NDRG1: variants seen among roughly 807,000 people sequenced by gnomAD.
NDRG1 encodes the protein N-myc downstream regulated 1.
A neutral mutation model predicts 56.9 loss-of-function variants in NDRG1; 32 were observed. That is an observed-to-expected ratio of 0.56 (90% CI 0.42 to 0.76). The LOEUF (loss-of-function observed/expected upper bound fraction) is 0.76. Ranked by LOEUF, NDRG1 falls within the 30% of genes least tolerant of loss-of-function variation. The probability of loss-of-function intolerance (pLI) is 0.00; values close to 1 mark genes in which losing one functional copy is unlikely to be tolerated. For missense variants in NDRG1, 507 were observed against 545.7 expected (o/e 0.93, Z 0.71); for synonymous variants, 211 against 204.1 (o/e 1.03, Z -0.29).
In NDRG1 at chr8:133,284,275, C is replaced by T. The variant is rs1563640762; in HGVS notation, c.37G>A (p.Val13Met). ...TCCCCTTTCTCCACCAAAGGCTTCACCTCAGCGAGGTCTACATCCTGCATC... is the reference window on the plus strand; with the variant it reads ...TCCCCTTTCTCCACCAAAGGCTTCATCTCAGCGAGGTCTACATCCTGCATC... Reference protein sequence around the residue: ...REMQDVDLAEVKPLVEKGETI... With the variant: ...REMQDVDLAEMKPLVEKGETI... Residue 13 changes from valine to methionine, a missense_variant, in exon 2 of 16, where the codon GTG becomes ATG. Coordinates refer to ENST00000323851, the MANE Select transcript of NDRG1 (RefSeq NM_006096.4). 1 of 1,614,224 alleles carries T rather than the reference C, an allele frequency of 6.2e-7. No individual in the cohort carries two copies. The highest frequency in any genetic ancestry group is 8.5e-7 in the Non-Finnish European group (1 of 1,180,040).
Position 133,242,084 on chromosome 8 carries a change from A to G in NDRG1, c.892-10T>C. On this transcript the variant is annotated splice_polypyrimidine_tract_variant and intron_variant, in intron 14 of 15. Transcript: ENST00000323851. Reference sequence around the variant, plus strand: ...CAGCGAGCTTGGCCGGCTGCGAGAGACAAGGAGAGAAAATGCAGTCAGTTG... The same window carrying G: ...CAGCGAGCTTGGCCGGCTGCGAGAGGCAAGGAGAGAAAATGCAGTCAGTTG... The G allele has an allele frequency of 6.2e-7, 1 of 1,614,222 alleles. No individual in the cohort carries two copies. The highest frequency in any genetic ancestry group is 8.5e-7 in the Non-Finnish European group (1 of 1,180,036).
intron 13 of NDRG1, 50 bp downstream of exon 13, chr8:133,246,566 G>GA: frequency 6.3e-7 from 1 of 1,585,348 alleles, no homozygotes; most frequent in South Asian, 1.1e-5. Flanking sequence ...GAAAACGTCT[G>GA]AGAGTTTCTA....
chr8:133,290,190 C>T (rs981370646), intron 1 of NDRG1, among the ~76,000 whole-genome samples: 1 of 152,174 alleles, frequency 6.6e-6, no homozygotes, highest in African/African-American at 2.4e-5. Flanking sequence ...TCCTGGGCCC[C>T]GCCACAACTC....
In NDRG1 at chr8:133,246,660, C is replaced by G; in HGVS notation, c.811G>C (p.Glu271Gln). The G allele has an allele frequency of 6.2e-7, 1 of 1,614,110 alleles. No individual in the cohort carries two copies. The highest frequency in any genetic ancestry group is 1.3e-5 in the African/African-American group (1 of 75,026). Residue 271 changes from glutamate to glutamine, a missense_variant, in exon 13 of 16, where the codon GAG becomes CAG. By Grantham distance (29) the Glu-to-Gln change is conservative. Coordinates refer to ENST00000323851, the MANE Select transcript of NDRG1 (RefSeq NM_006096.4). Reference protein sequence around the residue: ...DSSPAVDAVVECNSKLDPTKT... With the variant: ...DSSPAVDAVVQCNSKLDPTKT... ...GTTGGGTCCAATTTTGAGTTGCACT[C>G]CACCTGCACAAGAGGGAGGAAATCT...
chr8:133,254,627 C>T (rs757324830), intron 8 of NDRG1, 32 bp from the exon 9 acceptor site: 1 of 1,610,560 alleles, frequency 6.2e-7, no homozygotes, highest in Non-Finnish European at 8.5e-7. Flanking sequence ...GGATGAGAAA[C>T]CAGGAGCTAA....
At chr8:133,259,875 G>A (rs1057405456) in intron 5 of NDRG1, among the ~76,000 whole-genome samples, 1 of 152,218 alleles carries the variant, frequency 6.6e-6, no homozygotes, top group Admixed American at 6.5e-5. Context: ...GTGCTCAGAT[G>A]ATCAGGGAGG....
chr8:133,260,931 A>G (rs1856629979), intron 5 of NDRG1, among the ~76,000 whole-genome samples: 1 of 152,098 alleles, frequency 6.6e-6, no homozygotes, highest in Non-Finnish European at 1.5e-5. Context: ...GGGGGATCCA[A>G]CAAGCTTGAC....
chr8:133,280,322 T>C lies in NDRG1; in HGVS notation c.64-55A>G, dbSNP rs981496565. On this transcript the variant is annotated intron_variant, in intron 2 of 15. Transcript: ENST00000323851. ...TCATCTGTTTTCTCTGTAAGAGAAA[T>C]AATATTGGGACATATGGGCCTTTCT... The C allele has an allele frequency of 3.2e-6, 5 of 1,560,094 alleles. No homozygotes were observed. In the African/African-American group the frequency reaches 6.8e-5, roughly 21 times the overall value.
chr8:133,253,594 A>G (rs1053419833), intron 9 of NDRG1, among the ~76,000 whole-genome samples: 3 of 152,246 alleles, frequency 2.0e-5, no homozygotes, highest in Non-Finnish European at 4.4e-5. Flanking sequence ...CAGATTTATA[A>G]CAGCCCAGAA....
chr8:133,246,320 T>A (rs2272647), intron 13 of NDRG1, among the ~76,000 whole-genome samples: 2 of 152,126 alleles, frequency 1.3e-5, no homozygotes, highest in African/African-American at 4.8e-5. Flanking sequence ...TGGAGGAATG[T>A]CCTGGCCCCA....
At chr8:133,263,567 G>A (rs1034273116) in intron 4 of NDRG1, among the ~76,000 whole-genome samples, 6 of 152,098 alleles carry the variant, frequency 3.9e-5, no homozygotes, top group Non-Finnish European at 5.9e-5. Flanking sequence ...CTAAACATTC[G>A]TAGCAGAGTT....
At chr8:133,265,184 G>A (rs1460314930) in intron 3 of NDRG1, among the ~76,000 whole-genome samples, 2 of 152,146 alleles carry the variant, frequency 1.3e-5, no homozygotes, top group Non-Finnish European at 2.9e-5. Context: ...ACAAGTCAAG[G>A]CCAATTCATG....
At position 133,238,789 on chromosome 8, in the gene NDRG1, C is replaced by T; in HGVS notation, c.*89G>A. 7.1e-7 allele frequency: 1 copy of T among 1,402,274 alleles called. No individual in the cohort carries two copies. Among genetic ancestry groups the T allele is most frequent in the Non-Finnish European group, 9.6e-7 (1 of 1,044,036 alleles). The allele number at this position is 1,402,274 out of a possible 1,614,324, so 86.9% of individuals were successfully genotyped here. A position where few individuals can be genotyped will look rare whatever the true frequency, so the allele number is the denominator to read the frequency against. ...CTTTGGATTAATACCGAGTTAGGCGCAGTATGGCAGGCAGGGGGCGAAAAG... is the reference window on the plus strand; with the variant it reads ...CTTTGGATTAATACCGAGTTAGGCGTAGTATGGCAGGCAGGGGGCGAAAAG... On this transcript the variant is annotated 3_prime_UTR_variant, in exon 16 of 16. Coordinates refer to ENST00000323851, the MANE Select transcript of NDRG1 (RefSeq NM_006096.4).
chr8:133,260,887 CTCTGAGG>C (rs1425648938), intron 5 of NDRG1, among the ~76,000 whole-genome samples: 1 of 152,162 alleles, frequency 6.6e-6, no homozygotes, highest in Non-Finnish European at 1.5e-5. Context: ...GAGGGGTTAT[CTCTGAGG>C]TCTGCCACCC....
At chr8:133,277,811 C>T (rs1420108297) in intron 3 of NDRG1, among the ~76,000 whole-genome samples, 1 of 152,140 alleles carries the variant, frequency 6.6e-6, no homozygotes, top group African/African-American at 2.4e-5. Context: ...ATCATTGGCC[C>T]TTGTCAGTGT....
chr8:133,257,282 T>TACACAC (rs58312135), intron 7 of NDRG1, among the ~76,000 whole-genome samples: 169 of 146,818 alleles, frequency 1.2e-3, no homozygotes, highest in Middle Eastern at 3.4e-3. Context: ...AACACATGCA[T>TACACAC]ACACACACAC....
intron 9 of NDRG1, among the ~76,000 whole-genome samples, chr8:133,254,137 G>A (rs542983503): frequency 6.6e-6 from 1 of 152,144 alleles, no homozygotes; most frequent in East Asian, 1.9e-4. Flanking sequence ...TCTAGGAATT[G>A]CAAAGCAATC....
At chr8:133,263,319 A>G (rs951267057) in intron 4 of NDRG1, among the ~76,000 whole-genome samples, 3 of 152,246 alleles carry the variant, frequency 2.0e-5, no homozygotes, top group African/African-American at 4.8e-5. Flanking sequence ...GGTATTAATA[A>G]GCTTTATAGA....
chr8:133,246,677 A>T lies in NDRG1; in HGVS notation c.808-14T>A. On this transcript the variant is annotated splice_polypyrimidine_tract_variant and intron_variant, in intron 12 of 15. Coordinates refer to ENST00000323851, the MANE Select transcript of NDRG1 (RefSeq NM_006096.4). ...GTTGCACTCCACCTGCACAAGAGGGAGGAAATCTGTTAATTTTCTACGTGA... is the reference window on the plus strand; with the variant it reads ...GTTGCACTCCACCTGCACAAGAGGGTGGAAATCTGTTAATTTTCTACGTGA... The T allele has an allele frequency of 6.2e-7, 1 of 1,613,908 alleles. No homozygotes were observed. The highest frequency in any genetic ancestry group is 8.5e-7 in the Non-Finnish European group (1 of 1,179,840).
Sources: allele counts gnomAD v4.1 joint callset (sites outside exome capture counted in the v4.1 genomes callset), GRCh38; gene constraint gnomAD v4.1.1; transcripts MANE v1.5; gene names NCBI Gene and HGNC (gene_info 2026-07-23, HGNC 2026-07-21).